RANBP9: variants seen among roughly 807,000 people sequenced by gnomAD.
RANBP9 encodes the protein RAN binding protein 9.
A neutral mutation model predicts 84.3 loss-of-function variants in RANBP9; 15 were observed. That is an observed-to-expected ratio of 0.18 (90% CI 0.12 to 0.27). The LOEUF (loss-of-function observed/expected upper bound fraction) is 0.27, where lower values mean the gene tolerates loss of function less well. Among genes scored for constraint, RANBP9 ranks in the 10% least tolerant of loss-of-function variants. The probability of loss-of-function intolerance (pLI) is 1.00; values close to 1 mark genes in which losing one functional copy is unlikely to be tolerated. For missense variants in RANBP9, 809 were observed against 912.8 expected (o/e 0.89, Z 1.46); for synonymous variants, 392 against 349.6 (o/e 1.12, Z -1.35).
rs565262097 is a variant in RANBP9, at chr6:13,634,546, A to G, written c.1680T>C (p.Asp560=). The change falls in exon 11 of 14, where the codon GAT becomes GAC. Residue 560 remains aspartate (D), a synonymous_variant. Coordinates refer to ENST00000011619, the MANE Select transcript of RANBP9 (RefSeq NM_005493.3). ...AGTAGTGATCTGTTTCCATGTCTAC[A>G]TCATTACTGAAAACGAAAAAACAAA... ...SQQVNNFTSN[D]VDMETDHYSN... 6.3e-7 allele frequency: 1 copy of G among 1,596,328 alleles called. No homozygotes were observed. Among genetic ancestry groups the G allele is most frequent in the East Asian group, 2.2e-5 (1 of 44,674 alleles).
rs1584924131 is a variant in RANBP9 at position 13,651,936 on chromosome 6, A to G, written c.927+723T>C. Reference sequence around the variant, plus strand: ...CTCACTCCTCTCTACCACACTTCACACTCTTCTTCAAACAAGCCATCTGTG... The same window carrying G: ...CTCACTCCTCTCTACCACACTTCACGCTCTTCTTCAAACAAGCCATCTGTG... On this transcript the variant is annotated intron_variant, in intron 5 of 13. Transcript: ENST00000011619. Among the ~76,000 whole-genome samples, 3 of 151,488 alleles carry G rather than the reference A, an allele frequency of 2.0e-5. No homozygotes were observed. In the South Asian group the frequency reaches 6.3e-4, roughly 32 times the overall value.
At chr6:13,675,047 C>T (rs1765858274) in intron 2 of RANBP9, among the ~76,000 whole-genome samples, 1 of 152,178 alleles carries the variant, frequency 6.6e-6, no homozygotes, top group African/African-American at 2.4e-5. Flanking sequence ...CGAGAAGCAG[C>T]AGTTAACTCC....
chr6:13,649,278 C>T (rs999509925), intron 5 of RANBP9, among the ~76,000 whole-genome samples: 2 of 152,010 alleles, frequency 1.3e-5, no homozygotes, highest in African/African-American at 2.4e-5. Flanking sequence ...AACAAAGTTG[C>T]ACATGATCAT....
intron 2 of RANBP9, among the ~76,000 whole-genome samples, chr6:13,681,680 C>T (rs1584939868): frequency 6.6e-6 from 1 of 152,188 alleles, no homozygotes; most frequent in African/African-American, 2.4e-5. Context: ...CATTTAACCA[C>T]TTCCTCTACT....
At chr6:13,653,551 C>G (rs1306311281) in intron 4 of RANBP9, among the ~76,000 whole-genome samples, 2 of 152,140 alleles carry the variant, frequency 1.3e-5, no homozygotes, top group Non-Finnish European at 2.9e-5. Flanking sequence ...CAAGCCAGCA[C>G]CACTGCTTCT....
chr6:13,642,728 C>A, intron 6 of RANBP9, 137 bp from the exon 7 acceptor site: 2 of 477,768 alleles, frequency 4.2e-6, no homozygotes, highest in South Asian at 7.5e-5. Context: ...AAGAACCTCA[C>A]CTTTAAAGTA....
At chr6:13,634,078 A>C (rs1168523576) in intron 11 of RANBP9, among the ~76,000 whole-genome samples, 2 of 152,164 alleles carry the variant, frequency 1.3e-5, no homozygotes, top group African/African-American at 4.8e-5. Context: ...AAAATCATCT[A>C]ACCATTTGGC....
chr6:13,708,258 CAA>C (rs545905979), intron 1 of RANBP9, among the ~76,000 whole-genome samples: 1 of 146,226 alleles, frequency 6.8e-6, no homozygotes, highest in African/African-American at 2.5e-5. Flanking sequence ...CCCATCTCCA[CAA>C]AAAAAAAAAT....
chr6:13,625,166 T>C (rs1392004240), intron 13 of RANBP9, among the ~76,000 whole-genome samples: 2 of 152,242 alleles, frequency 1.3e-5, no homozygotes, highest in African/African-American at 4.8e-5. Context: ...AGCCTAACTC[T>C]TGTGACAATT....
chr6:13,678,316 A>G (rs1481620998), intron 2 of RANBP9, among the ~76,000 whole-genome samples: 1 of 152,250 alleles, frequency 6.6e-6, no homozygotes, highest in Non-Finnish European at 1.5e-5. Flanking sequence ...CACAGAAATT[A>G]TTTGACAAGG....
At position 13,634,560 on chromosome 6, in the gene RANBP9, C is replaced by T. The variant is rs779027847; in HGVS notation, c.1674-8G>A. The T allele has an allele frequency of 4.1e-5, 65 of 1,584,348 alleles. 1 individual carries two copies. Among genetic ancestry groups the T allele is most frequent in the East Asian group, 2.3e-4 (10 of 44,368 alleles). On this transcript the variant is annotated splice_polypyrimidine_tract_variant and splice_region_variant and intron_variant, in intron 10 of 13. Transcript: ENST00000011619. ...TCCATGTCTACATCATTACTGAAAA[C>T]GAAAAAACAAACCTAATTTTAGAAA...
intron 5 of RANBP9, among the ~76,000 whole-genome samples, chr6:13,650,664 A>T (rs1434963402): frequency 6.6e-6 from 1 of 152,224 alleles, no homozygotes; most frequent in African/African-American, 2.4e-5. Context: ...TGCACGATGT[A>T]ATCAGCAGCT....
At position 13,711,193 on chromosome 6, in the gene RANBP9, G is replaced by T. The variant is rs1382008461; in HGVS notation, c.313C>A (p.Pro105Thr). The change falls in exon 1 of 14, where the codon CCC (proline) becomes ACC (threonine). Residue 105 changes from proline to threonine, a missense_variant. Transcript: ENST00000011619. ...CCGGGGCCCGCTGCAAGGCCCGGGG[G>T]AGCGGGCGGCCCGCTGGCGGGGGCA... ...AAAPASGPPAPPGLAAGPGPA... is the reference protein window; with the variant it reads ...AAAPASGPPATPGLAAGPGPA... The T allele has an allele frequency of 8.0e-7, 1 of 1,252,516 alleles. No individual in the cohort carries two copies. 77.6% of individuals were successfully genotyped at this position (1,252,516 alleles called of 1,614,324 possible). A position where few individuals can be genotyped will look rare whatever the true frequency, so the allele number is the denominator to read the frequency against.
chr6:13,663,960 C>T (rs764441374), intron 2 of RANBP9, among the ~76,000 whole-genome samples: 2 of 151,962 alleles, frequency 1.3e-5, no homozygotes, highest in Non-Finnish European at 2.9e-5. Flanking sequence ...TCTCCAAGGA[C>T]CAACAAAAAA....
At chr6:13,692,528 A>C (rs1365080089) in intron 2 of RANBP9, among the ~76,000 whole-genome samples, 2 of 25,810 alleles carry the variant, frequency 7.7e-5, no homozygotes, top group African/African-American at 4.0e-4. Context: ...ACTCCGTCTC[A>C]AAAAAAAAAA....
At chr6:13,695,603 AAAAAG>A (rs547662394) in intron 2 of RANBP9, among the ~76,000 whole-genome samples, 231 of 152,202 alleles carry the variant, frequency 1.5e-3, no homozygotes, top group African/African-American at 5.3e-3. Flanking sequence ...TTTGAAGTAT[AAAAAG>A]AATCAGCTTA....
At chr6:13,642,100 A>G (rs1319030862) in intron 7 of RANBP9, among the ~76,000 whole-genome samples, 1 of 152,238 alleles carries the variant, frequency 6.6e-6, no homozygotes, top group East Asian at 1.9e-4. Flanking sequence ...TGTATTAGCC[A>G]TTTAAATTCA....
chr6:13,653,425 A>C (rs1765337705), intron 4 of RANBP9, among the ~76,000 whole-genome samples: 1 of 152,174 alleles, frequency 6.6e-6, no homozygotes, highest in African/African-American at 2.4e-5. Context: ...GCTGAAAATA[A>C]TAAAGTATTT....
At position 13,639,576 on chromosome 6, in the gene RANBP9, G is replaced by A. The variant is rs147872793; in HGVS notation, c.1512C>T (p.Thr504=). The A allele has an allele frequency of 6.1e-5, 98 of 1,605,926 alleles. No homozygotes were observed. In the East Asian group the frequency reaches 9.1e-4, roughly 15 times the overall value. The change falls in exon 9 of 14, where the codon ACC becomes ACT. Residue 504 remains threonine, a synonymous_variant. Transcript: ENST00000011619. Reference sequence around the variant, plus strand: ...GTTAAATCTCACCTGAAAAATGTGCGGTGCTTCCTTTGCCTGATGCTAAAT... The same window carrying A: ...GTTAAATCTCACCTGAAAAATGTGCAGTGCTTCCTTTGCCTGATGCTAAAT... The part of the protein sequence containing the change: ...IHNLASGKGS[T]AHFSGFESCS...
Sources: allele counts gnomAD v4.1 joint callset (sites outside exome capture counted in the v4.1 genomes callset), GRCh38; gene constraint gnomAD v4.1.1; transcripts MANE v1.5; gene names NCBI Gene and HGNC (gene_info 2026-07-23, HGNC 2026-07-21).